The following DYSF variants were observed in gnomAD, a reference collection of about 807,000 sequenced individuals.
DYSF encodes the protein dystrophy-associated fer-1-like 1.
In DYSF, 212 loss-of-function variants were observed where a neutral mutation model predicts 274.9. The observed-to-expected ratio is 0.77, with a 90% CI of 0.69 to 0.86. DYSF has a LOEUF of 0.86. DYSF is among the 40% of genes least tolerant of loss of function. The pLI is 0.00. For missense variants in DYSF, 2,666 were observed against 2,783.2 expected (o/e 0.96, Z 0.95); for synonymous variants, 1,091 against 1,078.7 (o/e 1.01, Z -0.22).
intron 19 of DYSF, among the ~76,000 whole-genome samples, chr2:71,551,973 C>G (rs556635177): frequency 6.6e-6 from 1 of 152,212 alleles, no homozygotes; most frequent in African/African-American, 2.4e-5. Flanking sequence ...GAGCTTGATG[C>G]AAAATGAGAT....
At chr2:71,500,330 A>G (rs1176165134) in intron 3 of DYSF, among the ~76,000 whole-genome samples, 2 of 152,036 alleles carry the variant, frequency 1.3e-5, no homozygotes, top group Non-Finnish European at 2.9e-5. Context: ...CCTGCTCCTT[A>G]CACTGCGGGA....
At position 71,574,295 on chromosome 2, in the gene DYSF, G is replaced by A. The variant is rs752424049; in HGVS notation, c.3326G>A (p.Arg1109His). 7.4e-6 allele frequency: 12 copies of A among 1,613,882 alleles called. No homozygotes were observed. Among genetic ancestry groups the A allele is most frequent in the Admixed American group, 1.7e-5 (1 of 60,008 alleles). The change falls in exon 30 of 56, where the codon CGC becomes CAC. Residue 1109 changes from arginine (R) to histidine (H), a missense_variant. Arg to His is a conservative substitution (Grantham distance 29). Transcript: ENST00000410020. Reference protein sequence around the residue: ...LEYRKTDAFRRRRWRRRMEPL... With the variant: ...LEYRKTDAFRHRRWRRRMEPL... Reference sequence around the variant, plus strand: ...TACCGCAAGACAGATGCCTTCCGCCGCCGCCGCTGGCGCCGTCGCATGGAG... The same window carrying A: ...TACCGCAAGACAGATGCCTTCCGCCACCGCCGCTGGCGCCGTCGCATGGAG...
chr2:71,513,983 C>T (rs1263312680), intron 7 of DYSF, 62 bp downstream of exon 7: 14 of 1,593,086 alleles, frequency 8.8e-6, no homozygotes, highest in African/African-American at 1.3e-5. Flanking sequence ...GGGTGCCAGG[C>T]ACCTGCCTGG....
chr2:71,567,939 T>C lies in DYSF; in HGVS notation c.2566-12T>C. 1 of 1,613,990 alleles carries C rather than the reference T, an allele frequency of 6.2e-7. No individual in the cohort carries two copies. The highest frequency in any genetic ancestry group is 8.5e-7 in the Non-Finnish European group (1 of 1,179,902). ...AGGGGACTGTGGGTTTCTGTCCTTC[T>C]CTGGTACCCAGTATCCGATGGAGAA... On this transcript the variant is annotated splice_polypyrimidine_tract_variant and intron_variant, in intron 24 of 55. Coordinates refer to ENST00000410020, the MANE Select transcript of DYSF (RefSeq NM_001130987.2).
intron 1 of DYSF, among the ~76,000 whole-genome samples, chr2:71,460,771 G>A (rs1399158607): frequency 6.6e-6 from 1 of 151,904 alleles, no homozygotes; most frequent in Non-Finnish European, 1.5e-5. Context: ...CTTTTCCTTG[G>A]ATGCAAGCCA....
rs763024757 is a variant in DYSF at position 71,661,133 on chromosome 2, A to G, written c.5003+482A>G. ...CCCTGTCTCAAAAAAAAAAAAAAAA[A>G]AAAAGAAAGAAAAAGTAGAAATCTG... On this transcript the variant is annotated intron_variant, in intron 45 of 55. Transcript: ENST00000410020. 3.4e-3 allele frequency among the ~76,000 whole-genome samples: 521 copies of G among 151,192 alleles called. 7 individuals carry two copies. Among genetic ancestry groups the G allele is most frequent in the Non-Finnish European group, 3.5e-3 (240 of 67,820 alleles).
intron 36 of DYSF, among the ~76,000 whole-genome samples, chr2:71,604,882 G>A (rs2093618426): frequency 1.3e-5 from 2 of 152,158 alleles, no homozygotes; most frequent in South Asian, 2.1e-4. Context: ...TAGAAAATGT[G>A]GGGAGGTGGC....
intron 52 of DYSF, among the ~76,000 whole-genome samples, chr2:71,676,590 T>A (rs186298290): frequency 1.3e-5 from 2 of 152,192 alleles, no homozygotes; most frequent in East Asian, 3.9e-4. Context: ...AATCTTTCCT[T>A]TATGAAGTGA....
chr2:71,686,361 C>T, intron 55 of DYSF, 93 bp from the exon 56 acceptor site: 2 of 1,523,538 alleles, frequency 1.3e-6, no homozygotes, highest in Non-Finnish European at 1.8e-6. Flanking sequence ...GCAGCTTAGC[C>T]CCATCCTCTG....
At chr2:71,550,346 C>A (rs1324533147) in intron 17 of DYSF, among the ~76,000 whole-genome samples, 3 of 152,084 alleles carry the variant, frequency 2.0e-5, no homozygotes, top group East Asian at 1.9e-4. Flanking sequence ...GATTTCCCCT[C>A]TTCAGGAGTG....
chr2:71,501,359 G>A lies in DYSF; in HGVS notation c.240-1855G>A, dbSNP rs569818575. Among the ~76,000 whole-genome samples the A allele has an allele frequency of 6.6e-5, 10 of 152,268 alleles. No individual in the cohort carries two copies. The South Asian group carries it at 2.1e-3, about 32-fold the overall frequency. On this transcript the variant is annotated intron_variant, in intron 3 of 55. Transcript: ENST00000410020. ...CTTTCAAGAAGGATGGAAAAAGAGG[G>A]ATTTCATTGTTGAGAAGCTTAAATA...
At chr2:71,497,318 A>C (rs530599207) in intron 3 of DYSF, among the ~76,000 whole-genome samples, 2 of 152,250 alleles carry the variant, frequency 1.3e-5, no homozygotes, top group Middle Eastern at 3.4e-3. Flanking sequence ...CTGTGTCCCC[A>C]CCCAAATCTC....
rs534831256 is a variant in DYSF, at chr2:71,496,997, A to C, written c.240-6217A>C. 2.0e-5 allele frequency among the ~76,000 whole-genome samples: 3 copies of C among 152,264 alleles called. No individual in the cohort carries two copies. The East Asian group carries it at 5.8e-4, about 29-fold the overall frequency. ...TCTGTCAGCCTTGTTATTTGTGTGA[A>C]ATCAGGCAAGTCAAACACCTTCCCA... On this transcript the variant is annotated intron_variant, in intron 3 of 55. Transcript: ENST00000410020.
intron 19 of DYSF, 53 bp downstream of exon 19, chr2:71,551,773 G>T: frequency 6.8e-7 from 1 of 1,463,570 alleles, no homozygotes; most frequent in Non-Finnish European, 9.4e-7. Flanking sequence ...GGAAGGGATG[G>T]CCAGGCTGGG....
rs542952863 is a variant in DYSF at position 71,490,151 on chromosome 2, A to AT, written c.239+8188dup. Among the ~76,000 whole-genome samples, 626 of 152,162 alleles carry AT rather than the reference A, an allele frequency of 4.1e-3. 3 individuals are homozygous for AT. Among genetic ancestry groups the AT allele is most frequent in the Non-Finnish European group, 6.5e-3 (441 of 68,002 alleles). On this transcript the variant is annotated intron_variant, in intron 3 of 55. Coordinates refer to ENST00000410020, the MANE Select transcript of DYSF (RefSeq NM_001130987.2). ...AGCATTGCATAATATGTGCACATGC[A>AT]TTTTTTTAAATTTAAAACAACCAAA...
At chr2:71,528,598 G>A (rs927511580) in intron 14 of DYSF, among the ~76,000 whole-genome samples, 197 bp downstream of exon 14, 1 of 152,192 alleles carries the variant, frequency 6.6e-6, no homozygotes, top group Non-Finnish European at 1.5e-5. Flanking sequence ...AATGTGGACA[G>A]GTCTGCCTGG....
chr2:71,478,425 A>G (rs959216320), intron 1 of DYSF, among the ~76,000 whole-genome samples: 16 of 151,872 alleles, frequency 1.1e-4, no homozygotes, highest in African/African-American at 3.9e-4. Flanking sequence ...GTTAGCCAGG[A>G]TGGTCTCAAT....
At chr2:71,499,578 C>G (rs769733958) in intron 3 of DYSF, among the ~76,000 whole-genome samples, 13 of 152,250 alleles carry the variant, frequency 8.5e-5, no homozygotes, top group Non-Finnish European at 1.6e-4. Context: ...TTCCCTTCTG[C>G]CATACGGCAG....
intron 13 of DYSF, 40 bp downstream of exon 13, chr2:71,526,386 GCT>G: frequency 1.9e-6 from 3 of 1,599,852 alleles, no homozygotes; most frequent in African/African-American, 1.3e-5. Flanking sequence ...TCTGCAGGAG[GCT>G]GGAGGCGCAG....
Sources: allele counts gnomAD v4.1 joint callset (sites outside exome capture counted in the v4.1 genomes callset), GRCh38; gene constraint gnomAD v4.1.1; transcripts MANE v1.5; gene names NCBI Gene and HGNC (gene_info 2026-07-23, HGNC 2026-07-21).